Variants in RTCA observed in about 807,000 individuals in gnomAD.
RTCA encodes the protein RNA 3'-terminal phosphate cyclase, also known as RNA terminal phosphate cyclase domain 1.
A neutral mutation model predicts 46.1 loss-of-function variants in RTCA; 37 were observed. The observed-to-expected ratio is 0.80, with a 90% CI of 0.62 to 1.06. The LOEUF (loss-of-function observed/expected upper bound fraction) is 1.06. RTCA is among the 50% of genes least tolerant of loss of function. RTCA has a pLI of 0.00. For synonymous variants in RTCA, 164 were observed against 158.3 expected (o/e 1.04, Z -0.27); for missense variants, 435 against 455.5 (o/e 0.95, Z 0.41).
intron 10 of RTCA, among the ~76,000 whole-genome samples, chr1:100,289,490 A>C (rs1199327416): frequency 6.6e-6 from 1 of 152,106 alleles, no homozygotes; most frequent in Admixed American, 6.6e-5. Flanking sequence ...AACATAGATA[A>C]GTTTTTGTTA....
At chr1:100,276,520 T>C (rs1666390360) in intron 7 of RTCA, among the ~76,000 whole-genome samples, 1 of 152,002 alleles carries the variant, frequency 6.6e-6, no homozygotes, top group Admixed American at 6.6e-5. Flanking sequence ...CTACTAAAAA[T>C]ACAAAAATTA....
intron 6 of RTCA, among the ~76,000 whole-genome samples, 187 bp from the exon 7 acceptor site, chr1:100,275,412 A>T (rs1666317857): frequency 6.6e-6 from 1 of 152,266 alleles, no homozygotes; most frequent in African/African-American, 2.4e-5. Flanking sequence ...TAATGGATAC[A>T]TTAATTAACA....
chr1:100,280,513 G>A (rs1229117567), intron 8 of RTCA, among the ~76,000 whole-genome samples: 2 of 152,172 alleles, frequency 1.3e-5, no homozygotes, highest in Non-Finnish European at 2.9e-5. Flanking sequence ...TGCCTGCTGA[G>A]ATTGACTGAC....
rs765836051 is a variant in RTCA at position 100,266,420 on chromosome 1, G to C, written c.45G>C (p.Gly15=). Residue 15 remains glycine, a splice_region_variant and synonymous_variant, in exon 1 of 11, where the codon GGG becomes GGC. Transcript: ENST00000370128. ...RVEVDGSIME[G]GGQILRVSTA... is the part of the protein sequence containing the mutation. Reference sequence around the variant, plus strand: ...AGGTCGATGGCAGCATCATGGAAGGGGTGAGTACAGAGCGAAGCGGCCGGG... The same window carrying C: ...AGGTCGATGGCAGCATCATGGAAGGCGTGAGTACAGAGCGAAGCGGCCGGG... The C allele has an allele frequency of 6.2e-7, 1 of 1,613,272 alleles. No homozygotes were observed. Among genetic ancestry groups the C allele is most frequent in the Admixed American group, 1.7e-5 (1 of 59,834 alleles).
chr1:100,277,489 C>T (rs1427717130), intron 8 of RTCA, among the ~76,000 whole-genome samples, 173 bp downstream of exon 8: 1 of 152,192 alleles, frequency 6.6e-6, no homozygotes, highest in African/African-American at 2.4e-5. Flanking sequence ...CACCTTTATA[C>T]TTTGGAAAAT....
At chr1:100,288,435 G>T (rs993278434) in intron 10 of RTCA, among the ~76,000 whole-genome samples, 3 of 152,128 alleles carry the variant, frequency 2.0e-5, no homozygotes, top group African/African-American at 7.2e-5. Flanking sequence ...TTTTGAGACA[G>T]GGTCTCACAC....
In RTCA at chr1:100,273,317, G is replaced by A. The variant is rs72982095; in HGVS notation, c.415-77G>A. 2,605 of 911,076 alleles carry A rather than the reference G, an allele frequency of 2.9e-3. 61 individuals are homozygous for A. In the African/African-American group the frequency reaches 0.039, roughly 14 times the overall value. The allele number at this position is 911,076 out of a possible 1,614,324, so 56.4% of individuals were successfully genotyped here. On this transcript the variant is annotated intron_variant, in intron 4 of 10. Coordinates refer to ENST00000370128, the MANE Select transcript of RTCA (RefSeq NM_003729.4). ...GCACCCAGTTACTAGCCAGCAAAGC[G>A]CTTTTGTTTAATAAATACACTTGTT...
intron 9 of RTCA, among the ~76,000 whole-genome samples, chr1:100,285,783 C>G (rs1666990346): frequency 6.6e-6 from 1 of 152,176 alleles, no homozygotes; most frequent in African/African-American, 2.4e-5. Flanking sequence ...TCATGCCTAC[C>G]TAATTTAAAA....
At chr1:100,279,836 G>C (rs1314487590) in intron 8 of RTCA, among the ~76,000 whole-genome samples, 1 of 152,152 alleles carries the variant, frequency 6.6e-6, no homozygotes, top group African/African-American at 2.4e-5. Context: ...ATAGATCTGG[G>C]TAAGGGAATG....
At chr1:100,280,642 A>C (rs1217418092) in intron 8 of RTCA, among the ~76,000 whole-genome samples, 1 of 152,186 alleles carries the variant, frequency 6.6e-6, no homozygotes, top group Non-Finnish European at 1.5e-5. Flanking sequence ...AGGATCTCAG[A>C]GAGAATGTCA....
At chr1:100,285,492 A>G (rs1666973009) in intron 9 of RTCA, among the ~76,000 whole-genome samples, 170 bp downstream of exon 9, 1 of 152,178 alleles carries the variant, frequency 6.6e-6, no homozygotes, top group African/African-American at 2.4e-5. Flanking sequence ...CCCTCATTTT[A>G]CTTTACGTGT....
intron 4 of RTCA, among the ~76,000 whole-genome samples, chr1:100,271,834 C>T (rs892834612): frequency 6.6e-6 from 1 of 152,192 alleles, no homozygotes; most frequent in African/African-American, 2.4e-5. Context: ...TTCCCTTATA[C>T]GTTTTTGTAA....
intron 10 of RTCA, 146 bp downstream of exon 10, chr1:100,287,349 A>G (rs545258119): frequency 8.9e-5 from 46 of 515,388 alleles, no homozygotes; most frequent in Admixed American, 5.3e-4. Context: ...TTAGCAATTT[A>G]TCTAAACTGT....
intron 4 of RTCA, among the ~76,000 whole-genome samples, chr1:100,272,210 G>A (rs1418650365): frequency 6.6e-6 from 1 of 152,178 alleles, no homozygotes; most frequent in Non-Finnish European, 1.5e-5. Context: ...ATAAGCAAAT[G>A]TCTAACTTTA....
chr1:100,274,260 G>A (rs1386134500), intron 5 of RTCA, among the ~76,000 whole-genome samples: 1 of 152,108 alleles, frequency 6.6e-6, no homozygotes, highest in African/African-American at 2.4e-5. Flanking sequence ...TTGAGGGGAG[G>A]AGTACTGTCT....
At position 100,277,300 on chromosome 1, in the gene RTCA, A is replaced by G. The variant is rs368311151; in HGVS notation, c.783A>G (p.Ser261=). 2.0e-5 allele frequency: 33 copies of G among 1,611,676 alleles called. No individual in the cohort carries two copies. The highest frequency in any genetic ancestry group is 1.6e-4 in the Middle Eastern group (1 of 6,072). ...CCACTGGCTGTTTGTTTGCTGGATC[A>G]TCGCTTGGTAAACGAGGTAAGATAA... ...ETSTGCLFAG[S]SLGKRGVNAD... is the part of the protein sequence containing the mutation. The change falls in exon 8 of 11, where the codon TCA becomes TCG. Residue 261 remains serine (S), a synonymous_variant. Coordinates refer to ENST00000370128, the MANE Select transcript of RTCA (RefSeq NM_003729.4).
Position 100,266,260 on chromosome 1 carries a change from C to A in RTCA, c.-116C>A, listed in dbSNP as rs1394799960. ...CTTCTTCCGCTTTCTCGTCAGGCTC[C>A]TGCGCCCCAGGCATGAACCAAGGTT... On this transcript the variant is annotated 5_prime_UTR_variant, in exon 1 of 11. The change creates a new upstream start codon in the 5' untranslated region. Transcript: ENST00000370128. 1 of 657,696 alleles carries A rather than the reference C, an allele frequency of 1.5e-6. No individual in the cohort carries two copies. Among genetic ancestry groups the A allele is most frequent in the Non-Finnish European group, 2.3e-6 (1 of 430,442 alleles). 40.7% of individuals were successfully genotyped at this position (657,696 alleles called of 1,614,324 possible).
chr1:100,274,676 A>G, intron 5 of RTCA, 148 bp from the exon 6 acceptor site: 1 of 888,702 alleles, frequency 1.1e-6, no homozygotes, highest in Non-Finnish European at 1.6e-6. Flanking sequence ...TTTAATGTAT[A>G]AAATTTTACA....
intron 7 of RTCA, among the ~76,000 whole-genome samples, 189 bp downstream of exon 7, chr1:100,275,912 T>A (rs1030571953): frequency 6.6e-6 from 1 of 152,120 alleles, no homozygotes; most frequent in African/African-American, 2.4e-5. Context: ...CTTGGCTCAC[T>A]GCAAGCTCCG....
Sources: gnomAD v4.1 joint callset for allele counts (sites outside exome capture counted in the v4.1 genomes callset) on GRCh38, gnomAD v4.1.1 for gene constraint, MANE v1.5 for transcripts, NCBI Gene and HGNC (gene_info 2026-07-23, HGNC 2026-07-21) for gene names.